Variants in ARHGAP12 observed in about 807,000 individuals in gnomAD.
ARHGAP12 encodes rho GTPase-activating protein 12.
ARHGAP12 carries 64 observed loss-of-function variants against 108.6 expected under a neutral mutation model. That is an observed-to-expected ratio of 0.59 (90% CI 0.48 to 0.73). ARHGAP12 has a LOEUF of 0.73. ARHGAP12 is among the 30% of genes least tolerant of loss of function. The pLI, the probability that ARHGAP12 is intolerant of heterozygous loss-of-function variation, is 0.00. For missense variants in ARHGAP12, 940 were observed against 1,005.9 expected, an observed-to-expected ratio of 0.93 and a Z score of 0.89; for synonymous variants, 312 against 337.2, an observed-to-expected ratio of 0.93 and a Z score of 0.82.
intron 19 of ARHGAP12, 85 bp from the exon 20 acceptor site, chr10:31,807,917 C>T: frequency 9.4e-7 from 1 of 1,058,526 alleles, no homozygotes; most frequent in South Asian, 2.6e-5. Flanking sequence ...TAACAGTTTG[C>T]ATTTTAAAAA....
intron 3 of ARHGAP12, among the ~76,000 whole-genome samples, chr10:31,885,638 G>A (rs1006673514): frequency 6.6e-6 from 1 of 151,932 alleles, no homozygotes; most frequent in Non-Finnish European, 1.5e-5. Context: ...GGCCAACATG[G>A]CAAAATCCCA....
chr10:31,870,293 C>T (rs1837492033), intron 3 of ARHGAP12, among the ~76,000 whole-genome samples: 1 of 150,470 alleles, frequency 6.6e-6, no homozygotes, highest in Admixed American at 6.6e-5. Flanking sequence ...GCAATGGTGC[C>T]ATCTCAGCTC....
chr10:31,834,115 G>A (rs971585539), intron 9 of ARHGAP12, among the ~76,000 whole-genome samples: 4 of 152,156 alleles, frequency 2.6e-5, no homozygotes, highest in Non-Finnish European at 5.9e-5. Flanking sequence ...TCAAGCTTGA[G>A]CAACTGGGTA....
intron 13 of ARHGAP12, among the ~76,000 whole-genome samples, chr10:31,815,510 G>C (rs1484475911): frequency 6.6e-6 from 1 of 151,972 alleles, no homozygotes; most frequent in African/African-American, 2.4e-5. Flanking sequence ...GATGGTGCAA[G>C]TCCTTTTACT....
At chr10:31,863,124 T>C (rs929256252) in intron 3 of ARHGAP12, among the ~76,000 whole-genome samples, 2 of 152,206 alleles carry the variant, frequency 1.3e-5, no homozygotes, top group Non-Finnish European at 1.5e-5. Context: ...TAGTTATACA[T>C]GTACTATATT....
chr10:31,837,124 T>C (rs1836052660), intron 9 of ARHGAP12, among the ~76,000 whole-genome samples: 1 of 152,206 alleles, frequency 6.6e-6, no homozygotes. Context: ...AAAACTTTGC[T>C]TCTAGGATTA....
At chr10:31,927,890 T>C (rs1011303481) in intron 1 of ARHGAP12, among the ~76,000 whole-genome samples, 1 of 152,100 alleles carries the variant, frequency 6.6e-6, no homozygotes, top group South Asian at 2.1e-4. Context: ...TCCCCTGAGA[T>C]GGGAGGCGGG....
intron 4 of ARHGAP12, among the ~76,000 whole-genome samples, chr10:31,859,048 A>G (rs1282643884): frequency 6.6e-6 from 1 of 152,212 alleles, no homozygotes; most frequent in Non-Finnish European, 1.5e-5. Flanking sequence ...CTCCTTCTAC[A>G]TACCTGGCTG....
chr10:31,890,919 T>C (rs939606465), intron 3 of ARHGAP12, among the ~76,000 whole-genome samples: 3 of 152,156 alleles, frequency 2.0e-5, no homozygotes, highest in African/African-American at 7.2e-5. Context: ...TTCCCTATAG[T>C]GAAACTGCAC....
At chr10:31,899,176 G>A (rs1592356848) in intron 3 of ARHGAP12, among the ~76,000 whole-genome samples, 1 of 152,188 alleles carries the variant, frequency 6.6e-6, no homozygotes, top group Non-Finnish European at 1.5e-5. Flanking sequence ...GACCACAGAC[G>A]ACAGTGGGGT....
intron 6 of ARHGAP12, 26 bp from the exon 7 acceptor site, chr10:31,843,612 C>A (rs1564384632): frequency 1.9e-6 from 3 of 1,563,430 alleles, no homozygotes; most frequent in Admixed American, 2.1e-5. Flanking sequence ...GCAAAAAACA[C>A]AAAAAACAGT....
intron 3 of ARHGAP12, among the ~76,000 whole-genome samples, chr10:31,879,075 AAC>A (rs1437885964): frequency 6.6e-6 from 1 of 152,208 alleles, no homozygotes; most frequent in Non-Finnish European, 1.5e-5. Context: ...AGTGTATTTC[AAC>A]AGTGTTAATT....
intron 11 of ARHGAP12, among the ~76,000 whole-genome samples, chr10:31,825,634 T>A (rs574676926): frequency 6.6e-6 from 1 of 152,124 alleles, no homozygotes; most frequent in Non-Finnish European, 1.5e-5. Context: ...GCAATAGCTA[T>A]CCCAGCGTTA....
intron 3 of ARHGAP12, among the ~76,000 whole-genome samples, chr10:31,892,766 A>T (rs562267528): frequency 6.6e-6 from 1 of 152,370 alleles, no homozygotes; most frequent in African/African-American, 2.4e-5. Flanking sequence ...ATAGACATCT[A>T]CAGAATTCTC....
At chr10:31,901,156 C>T (rs1280720998) in intron 3 of ARHGAP12, among the ~76,000 whole-genome samples, 1 of 147,994 alleles carries the variant, frequency 6.8e-6, no homozygotes, top group African/African-American at 2.5e-5. Context: ...GCAGAGACTA[C>T]AGTGAGCCAA....
intron 9 of ARHGAP12, among the ~76,000 whole-genome samples, chr10:31,832,132 C>T (rs140664004): frequency 2.0e-5 from 3 of 152,162 alleles, no homozygotes; most frequent in African/African-American, 7.2e-5. Context: ...GAATACAATG[C>T]TATAAGGATA....
chr10:31,873,693 G>C (rs765219600), intron 3 of ARHGAP12, among the ~76,000 whole-genome samples: 7 of 152,294 alleles, frequency 4.6e-5, no homozygotes, highest in Non-Finnish European at 7.3e-5. Context: ...CACAGACTCT[G>C]ATGATTCTCC....
chr10:31,818,052 T>C (rs1424312734), intron 12 of ARHGAP12, among the ~76,000 whole-genome samples, 166 bp from the exon 13 acceptor site: 5 of 152,164 alleles, frequency 3.3e-5, no homozygotes, highest in African/African-American at 1.2e-4. Context: ...AATACCTTTT[T>C]GGTTTACAAT....
At chr10:31,890,469 A>G (rs934331284) in intron 3 of ARHGAP12, among the ~76,000 whole-genome samples, 1 of 152,238 alleles carries the variant, frequency 6.6e-6, no homozygotes, top group Non-Finnish European at 1.5e-5. Context: ...CTAAAAGAAG[A>G]CTGAGCCCCT....
Sources: allele counts gnomAD v4.1 joint callset (sites outside exome capture counted in the v4.1 genomes callset), GRCh38; gene constraint gnomAD v4.1.1; transcripts MANE v1.5; gene names NCBI Gene and HGNC (gene_info 2026-07-23, HGNC 2026-07-21).